Variants in SLC71A2 observed in about 807,000 individuals in gnomAD.
SLC71A2 encodes the protein solute carrier family 71 member 2.
the SLC71A2 span, chr9:94,415,296 G>T: frequency 5.7e-6 from 8 of 1,394,562 alleles, no homozygotes; most frequent in Non-Finnish European, 2.0e-6. Flanking sequence ...AAGAGAAAGA[G>T]ATAAGTTCTT....
chr9:94,451,277 C>T, the SLC71A2 span, among the ~76,000 whole-genome samples: 53 of 152,232 alleles, frequency 3.5e-4, 1 homozygote, highest in East Asian at 9.6e-3. Flanking sequence ...CTGCTTATAA[C>T]GATTTCTTAC....
chr9:94,440,959 G>T, the SLC71A2 span: 1 of 1,430,480 alleles, frequency 7.0e-7, no homozygotes, highest in Non-Finnish European at 9.8e-7. Flanking sequence ...CCTTTCCCTT[G>T]GGTCATTAAA....
the SLC71A2 span, among the ~76,000 whole-genome samples, chr9:94,436,260 G>A: frequency 1.3e-5 from 2 of 152,118 alleles, no homozygotes; most frequent in South Asian, 2.1e-4. Context: ...TAGTTGCATG[G>A]ACAATGGGCA....
chr9:94,411,903 T>G, the SLC71A2 span, among the ~76,000 whole-genome samples: 2 of 152,236 alleles, frequency 1.3e-5, no homozygotes, highest in South Asian at 4.1e-4. Context: ...GAGTTAATTT[T>G]TGCTGTTACA....
At chr9:94,388,166 A>G in the SLC71A2 span, among the ~76,000 whole-genome samples, 1 of 152,202 alleles carries the variant, frequency 6.6e-6, no homozygotes, top group Non-Finnish European at 1.5e-5. Flanking sequence ...TATATTTTAA[A>G]TTATTAGTCA....
the SLC71A2 span, among the ~76,000 whole-genome samples, chr9:94,384,182 A>G: frequency 7.7e-3 from 1,164 of 152,144 alleles, 18 homozygotes; most frequent in African/African-American, 0.027. Context: ...CCTGACAACC[A>G]CCATTCTCCT....
At chr9:94,418,205 G>A in the SLC71A2 span, among the ~76,000 whole-genome samples, 1 of 152,082 alleles carries the variant, frequency 6.6e-6, no homozygotes, top group African/African-American at 2.4e-5. Flanking sequence ...ACATCTCTGA[G>A]GAGCTGTTTA....
chr9:94,444,506 T>TTTA, the SLC71A2 span, among the ~76,000 whole-genome samples: 1 of 152,214 alleles, frequency 6.6e-6, no homozygotes, highest in Non-Finnish European at 1.5e-5. Context: ...GTGCAGTGTT[T>TTTA]TTAGAAGATT....
chr9:94,436,991 T>C, the SLC71A2 span, among the ~76,000 whole-genome samples: 1 of 151,828 alleles, frequency 6.6e-6, no homozygotes, highest in Non-Finnish European at 1.5e-5. Context: ...AATGGAGTGC[T>C]GAAATTATAA....
chr9:94,416,245 T>C, the SLC71A2 span, among the ~76,000 whole-genome samples: 1 of 152,148 alleles, frequency 6.6e-6, no homozygotes, highest in Non-Finnish European at 1.5e-5. Context: ...CCGGGTACAG[T>C]AGCATATGCC....
At chr9:94,447,775 T>TA in the SLC71A2 span, among the ~76,000 whole-genome samples, 6 of 152,172 alleles carry the variant, frequency 3.9e-5, no homozygotes, top group Non-Finnish European at 5.9e-5. Flanking sequence ...TATCAACCCT[T>TA]ACAGTATCAC....
the SLC71A2 span, among the ~76,000 whole-genome samples, chr9:94,446,409 G>T: frequency 6.6e-6 from 1 of 152,214 alleles, no homozygotes; most frequent in Non-Finnish European, 1.5e-5. Context: ...AGAATAGAGT[G>T]AATTTACCTA....
the SLC71A2 span, among the ~76,000 whole-genome samples, chr9:94,431,436 A>G: frequency 2.0e-5 from 3 of 151,646 alleles, no homozygotes; most frequent in African/African-American, 4.8e-5. Context: ...AATCATATTT[A>G]TTATTTGCCT....
chr9:94,377,584 T>G, the SLC71A2 span, among the ~76,000 whole-genome samples: 1 of 150,484 alleles, frequency 6.6e-6, no homozygotes, highest in African/African-American at 2.4e-5. Context: ...GAAGTCTTCC[T>G]GTTTCCCAAG....
the SLC71A2 span, among the ~76,000 whole-genome samples, chr9:94,458,790 C>T: frequency 1.3e-5 from 2 of 152,164 alleles, no homozygotes; most frequent in South Asian, 2.1e-4. Flanking sequence ...ACTTTTTGTA[C>T]TATTTATTTG....
chr9:94,425,551 G>GGCCACAA, the SLC71A2 span, among the ~76,000 whole-genome samples: 10 of 152,098 alleles, frequency 6.6e-5, no homozygotes, highest in Non-Finnish European at 1.5e-4. Flanking sequence ...CCTGAGTTGG[G>GGCCACAA]GCCACAAGAT....
the SLC71A2 span, chr9:94,451,661 G>A: frequency 6.3e-6 from 3 of 478,164 alleles, no homozygotes; most frequent in East Asian, 3.4e-5. Flanking sequence ...CCCTGCTATG[G>A]TAAGGTCTTG....
At chr9:94,427,031 T>A in the SLC71A2 span, among the ~76,000 whole-genome samples, 3 of 152,182 alleles carry the variant, frequency 2.0e-5, no homozygotes, top group Non-Finnish European at 4.4e-5. Flanking sequence ...TACAGAGATG[T>A]TAAAAATGAA....
the SLC71A2 span, among the ~76,000 whole-genome samples, chr9:94,429,550 CAGA>C: frequency 7.9e-5 from 12 of 151,870 alleles, no homozygotes; most frequent in South Asian, 2.5e-3. Flanking sequence ...TGCCTATCAA[CAGA>C]ATAAAGTGGG....
Sources: gnomAD v4.1 joint callset for allele counts (sites outside exome capture counted in the v4.1 genomes callset) on GRCh38, gnomAD v4.1.1 for gene constraint, MANE v1.5 for transcripts, NCBI Gene and HGNC (gene_info 2026-07-23, HGNC 2026-07-21) for gene names.